PCDHA2: variants seen among roughly 807,000 people sequenced by gnomAD.
PCDHA2 encodes protocadherin alpha 2.
PCDHA2 carries 58 observed loss-of-function variants against 66.0 expected under a neutral mutation model. The ratio of observed to expected loss-of-function variants is 0.88; its 90% CI spans 0.71 to 1.09. PCDHA2 has a LOEUF of 1.09. PCDHA2 is among the 50% of genes least tolerant of loss of function. The pLI, the probability that PCDHA2 is intolerant of heterozygous loss-of-function variation, is 0.00. For missense variants in PCDHA2, 1,267 were observed against 1,242.3 expected, an observed-to-expected ratio of 1.02 and a Z score of -0.30; for synonymous variants, 634 against 554.0, an observed-to-expected ratio of 1.14 and a Z score of -2.03.
chr5:140,805,664 A>C, intron 1 of PCDHA2: 1 of 842,580 alleles, frequency 1.2e-6, no homozygotes, highest in Non-Finnish European at 1.4e-6. Context: ...TTCCCCATTA[A>C]TACCCAGGAT....
chr5:140,837,978 C>T (rs1554136732), intron 1 of PCDHA2, among the ~76,000 whole-genome samples: 1 of 151,764 alleles, frequency 6.6e-6, no homozygotes, highest in African/African-American at 2.4e-5. Context: ...CACACCCAGC[C>T]TGCCTTTCAT....
intron 1 of PCDHA2, among the ~76,000 whole-genome samples, chr5:140,962,154 C>T (rs1447978704): frequency 3.9e-5 from 6 of 152,210 alleles, no homozygotes; most frequent in Admixed American, 1.3e-4. Context: ...GGATTACAGG[C>T]GTGAGCCACC....
intron 3 of PCDHA2, among the ~76,000 whole-genome samples, chr5:140,997,511 G>T (rs565737825): frequency 6.6e-6 from 1 of 151,992 alleles, no homozygotes; most frequent in Non-Finnish European, 1.5e-5. Flanking sequence ...ATACCTAAAC[G>T]CAGAAAAAGT....
intron 1 of PCDHA2, chr5:140,802,723 C>A: frequency 1.2e-6 from 2 of 1,612,564 alleles, no homozygotes; most frequent in South Asian, 2.2e-5. Context: ...AGCTACGTGT[C>A]GGTACACGCG....
chr5:140,951,503 A>G (rs1554219922), intron 1 of PCDHA2, among the ~76,000 whole-genome samples: 1 of 151,992 alleles, frequency 6.6e-6, no homozygotes, highest in African/African-American at 2.4e-5. Flanking sequence ...AGGCAAAAGG[A>G]AAGCGGCTCA....
intron 1 of PCDHA2, among the ~76,000 whole-genome samples, chr5:140,918,360 G>A (rs1243919537): frequency 1.3e-5 from 2 of 152,082 alleles, no homozygotes; most frequent in African/African-American, 4.8e-5. Flanking sequence ...CTTCCTCTCT[G>A]CCTATTTGGA....
chr5:140,966,860 T>A, intron 1 of PCDHA2: 1 of 1,577,482 alleles, frequency 6.3e-7, no homozygotes, highest in Middle Eastern at 1.7e-4. Flanking sequence ...CCTGCTGCTG[T>A]TGCTGCTGCT....
intron 3 of PCDHA2, among the ~76,000 whole-genome samples, chr5:140,986,421 C>T (rs1554248030): frequency 6.6e-6 from 1 of 152,178 alleles, no homozygotes; most frequent in Non-Finnish European, 1.5e-5. Flanking sequence ...CTCTTTTTAA[C>T]TTCATGAGTA....
At chr5:140,841,556 C>A (rs2150318181) in intron 1 of PCDHA2, 1 of 1,613,884 alleles carries the variant, frequency 6.2e-7, no homozygotes, top group South Asian at 1.1e-5. Flanking sequence ...GGAGGTAAGT[C>A]TGCAGAATGG....
rs2150473492 is a variant in PCDHA2 at position 140,850,211 on chromosome 5, C to T, written c.2388+52859C>T. 11 of 1,593,428 alleles carry T rather than the reference C, an allele frequency of 6.9e-6. 1 individual carries two copies. Among genetic ancestry groups the T allele is most frequent in the Non-Finnish European group, 9.4e-6 (11 of 1,167,634 alleles). ...CGCTGCTGACACCTCGGATGAGGGG[C>T]ACTGACGGCGCAGTGAGCGAGATGG... On this transcript the variant is annotated intron_variant, in intron 1 of 3. Coordinates refer to ENST00000526136, the MANE Select transcript of PCDHA2 (RefSeq NM_018905.3).
intron 1 of PCDHA2, among the ~76,000 whole-genome samples, chr5:140,960,693 T>C (rs2095562408): frequency 6.6e-6 from 1 of 152,136 alleles, no homozygotes; most frequent in Non-Finnish European, 1.5e-5. Flanking sequence ...AATGAGGGTG[T>C]TCTTTAGTGC....
In PCDHA2 at chr5:140,797,234, G is replaced by C; in HGVS notation, c.2270G>C (p.Arg757Thr). Residue 757 changes from arginine (R) to threonine (T), a missense_variant, in exon 1 of 4, where the codon AGG (arginine) becomes ACG (threonine). Transcript: ENST00000526136. Reference sequence around the variant, plus strand: ...TCTTACTCGCAGCAGAGGCGGCAGAGGGTGTGCTCTGGGGAGGACCCCCCC... The same window carrying C: ...TCTTACTCGCAGCAGAGGCGGCAGACGGTGTGCTCTGGGGAGGACCCCCCC... ...SWSYSQQRRQ[R>T]VCSGEDPPKT... 6.2e-7 allele frequency: 1 copy of C among 1,614,228 alleles called. No individual in the cohort carries two copies. Among genetic ancestry groups the C allele is most frequent in the African/African-American group, 1.3e-5 (1 of 75,074 alleles).
At chr5:140,923,362 T>C (rs1294539314) in intron 1 of PCDHA2, among the ~76,000 whole-genome samples, 1 of 152,136 alleles carries the variant, frequency 6.6e-6, no homozygotes, top group East Asian at 1.9e-4. Context: ...CCTATCTTTA[T>C]AAAATATTTT....
At chr5:140,807,145 T>A (rs782616885) in intron 1 of PCDHA2, 4 of 1,574,718 alleles carry the variant, frequency 2.5e-6, no homozygotes, top group Non-Finnish European at 8.6e-7. Context: ...CCCTTGACTT[T>A]GAGAAACGAT....
At chr5:140,975,022 G>A (rs2096650178) in intron 1 of PCDHA2, among the ~76,000 whole-genome samples, 2 of 152,188 alleles carry the variant, frequency 1.3e-5, no homozygotes, top group Admixed American at 1.3e-4. Context: ...GCTGGGCTGT[G>A]TTGTCCTTTG....
Position 140,883,537 on chromosome 5 carries a change from G to A in PCDHA2, c.2388+86185G>A, listed in dbSNP as rs782001309. 3 of 1,614,238 alleles carry A rather than the reference G, an allele frequency of 1.9e-6. No individual in the cohort carries two copies. The African/African-American group carries it at 4.0e-5, about 22-fold the overall frequency. On this transcript the variant is annotated intron_variant, in intron 1 of 3. Transcript: ENST00000526136. ...GCGAGAGCGTATCAGCCTATGAACT[G>A]GTGGTGACCGCGCGGGACGGGGGCT...
intron 1 of PCDHA2, chr5:140,870,333 C>T (rs564033882): frequency 1.2e-6 from 2 of 1,614,164 alleles, no homozygotes; most frequent in South Asian, 2.2e-5. Flanking sequence ...TGCTGGACAG[C>T]GCCCTGGACC....
At chr5:140,911,474 C>T (rs782702993) in intron 1 of PCDHA2, among the ~76,000 whole-genome samples, 45 of 152,144 alleles carry the variant, frequency 3.0e-4, no homozygotes, top group Non-Finnish European at 2.8e-4. Flanking sequence ...ATAAGACTCT[C>T]ACTCAGGGCA....
intron 1 of PCDHA2, chr5:140,843,101 G>T (rs1778561024): frequency 1.3e-6 from 2 of 1,595,770 alleles, no homozygotes; most frequent in Non-Finnish European, 1.7e-6. Flanking sequence ...GGTAGCGAAG[G>T]TGCGCGCAGT....
Sources: gnomAD v4.1 joint callset for allele counts (sites outside exome capture counted in the v4.1 genomes callset) on GRCh38, gnomAD v4.1.1 for gene constraint, MANE v1.5 for transcripts, NCBI Gene and HGNC (gene_info 2026-07-23, HGNC 2026-07-21) for gene names.